OR2C1: variants seen among roughly 807,000 people sequenced by gnomAD.
OR2C1 encodes the protein olfactory receptor 2C1.
For synonymous variants in OR2C1, 209 were observed against 167.3 expected (o/e 1.25, Z -1.92); for missense variants, 468 against 388.3 (o/e 1.21, Z -1.73).
the OR2C1 span, among the ~76,000 whole-genome samples, chr16:3,336,712 C>CTT: frequency 8.3e-5 from 8 of 96,784 alleles, no homozygotes; most frequent in Non-Finnish European, 1.3e-4. Context: ...TTCTTTCTTT[C>CTT]TTTTTTTTTT....
chr16:3,330,298 A>G, the OR2C1 span, among the ~76,000 whole-genome samples: 2 of 151,350 alleles, frequency 1.3e-5, no homozygotes, highest in East Asian at 2.0e-4. Flanking sequence ...TTTCTTTTTT[A>G]GTAGAGACAG....
At chr16:3,348,622 G>C in the OR2C1 span, among the ~76,000 whole-genome samples, 1 of 152,124 alleles carries the variant, frequency 6.6e-6, no homozygotes, top group African/African-American at 2.4e-5. Context: ...CAGGACAGTG[G>C]GCCCCACTGG....
the OR2C1 span, among the ~76,000 whole-genome samples, chr16:3,348,375 T>A: frequency 3.2e-4 from 48 of 152,316 alleles, no homozygotes; most frequent in African/African-American, 1.1e-3. Context: ...CTCGTAAGTA[T>A]GGATTTGGGA....
At chr16:3,349,216 T>G in the OR2C1 span, among the ~76,000 whole-genome samples, 1 of 152,178 alleles carries the variant, frequency 6.6e-6, no homozygotes. Context: ...ATTTAAGAAA[T>G]GCTGTCATTT....
the OR2C1 span, among the ~76,000 whole-genome samples, chr16:3,346,097 G>C: frequency 6.6e-6 from 1 of 152,114 alleles, no homozygotes; most frequent in Non-Finnish European, 1.5e-5. Flanking sequence ...GCCTCCCAAA[G>C]TGCTCGGATT....
chr16:3,351,267 GC>G (rs2030571284), upstream of OR2C1, among the ~76,000 whole-genome samples: 1 of 104,020 alleles, frequency 9.6e-6, no homozygotes, highest in Non-Finnish European at 1.8e-5. Context: ...TTGCTCTGTT[GC>G]CCAGGCTGGA....
the OR2C1 span, among the ~76,000 whole-genome samples, chr16:3,332,016 A>C: frequency 6.7e-6 from 1 of 148,704 alleles, no homozygotes; most frequent in African/African-American, 2.5e-5. Context: ...CATAGGTGGG[A>C]ATTGAACAAT....
At position 3,356,891 on chromosome 16, in the gene OR2C1, T is replaced by A; in HGVS notation, c.*12T>A. On this transcript the variant is annotated 3_prime_UTR_variant, in exon 1 of 1. Coordinates refer to ENST00000304936, the MANE Select transcript of OR2C1 (RefSeq NM_012368.3). ...GAGAAGTTGGCTGAGAGAACACTCC[T>A]TCGTTATTTATTGCGTCTTCATCTC... The A allele has an allele frequency of 1.3e-6, 2 of 1,544,188 alleles. No homozygotes were observed. Among genetic ancestry groups the A allele is most frequent in the Non-Finnish European group, 1.7e-6 (2 of 1,143,504 alleles).
chr16:3,351,887 CTTTT>C (rs35692577), upstream of OR2C1, among the ~76,000 whole-genome samples: 4 of 124,582 alleles, frequency 3.2e-5, no homozygotes, highest in Admixed American at 1.6e-4. Flanking sequence ...AGCATTTAGT[CTTTT>C]TTTTTTTTTT....
the OR2C1 span, among the ~76,000 whole-genome samples, chr16:3,340,065 G>T: frequency 6.6e-6 from 1 of 152,082 alleles, no homozygotes; most frequent in African/African-American, 2.4e-5. Flanking sequence ...GATCACCTGA[G>T]GTCAGGAGTT....
At chr16:3,348,603 C>A in the OR2C1 span, among the ~76,000 whole-genome samples, 1 of 152,160 alleles carries the variant, frequency 6.6e-6, no homozygotes, top group African/African-American at 2.4e-5. Context: ...CTTGCTGGGG[C>A]CAGGCCCACA....
the OR2C1 span, among the ~76,000 whole-genome samples, chr16:3,331,257 G>C: frequency 1.3e-5 from 2 of 152,082 alleles, no homozygotes; most frequent in South Asian, 2.1e-4. Flanking sequence ...TTGTAAATTT[G>C]TTTGGGTTCA....
chr16:3,326,025 G>T, the OR2C1 span, among the ~76,000 whole-genome samples: 1 of 151,306 alleles, frequency 6.6e-6, no homozygotes, highest in Non-Finnish European at 1.5e-5. Context: ...CTGTCTCCTG[G>T]GTTCAAGCAA....
At chr16:3,323,423 G>C in the OR2C1 span, 188 of 761,930 alleles carry the variant, frequency 2.5e-4, 2 homozygotes, top group East Asian at 2.7e-3. Flanking sequence ...TGTGTTGTCT[G>C]TCAGAGGGAT....
upstream of OR2C1, among the ~76,000 whole-genome samples, chr16:3,354,836 C>A (rs1318224851): frequency 6.6e-6 from 1 of 152,132 alleles, no homozygotes; most frequent in Non-Finnish European, 1.5e-5. Flanking sequence ...AGTACAGGGG[C>A]TCACTGCTGC....
chr16:3,329,511 G>A, the OR2C1 span, among the ~76,000 whole-genome samples: 59 of 151,984 alleles, frequency 3.9e-4, 1 homozygote, highest in African/African-American at 1.4e-3. Context: ...GTGCAGTGGC[G>A]CGATCTCAGC....
the OR2C1 span, among the ~76,000 whole-genome samples, chr16:3,349,357 C>A: frequency 6.6e-6 from 1 of 152,078 alleles, no homozygotes; most frequent in Non-Finnish European, 1.5e-5. Context: ...CTTGTGCGGG[C>A]GTGGAGATCT....
the OR2C1 span, chr16:3,323,749 G>A: frequency 3.3e-5 from 23 of 690,068 alleles, no homozygotes; most frequent in African/African-American, 3.7e-4. Flanking sequence ...TCTGCCACCA[G>A]GAATTATGTA....
chr16:3,354,638 G>A (rs115751557), upstream of OR2C1, among the ~76,000 whole-genome samples: 2,576 of 152,228 alleles, frequency 0.017, 73 homozygotes, highest in African/African-American at 0.056. Flanking sequence ...CCAGCACTGA[G>A]GTAAAACTCA....
Sources: gnomAD v4.1 joint callset for allele counts (sites outside exome capture counted in the v4.1 genomes callset) on GRCh38, gnomAD v4.1.1 for gene constraint, MANE v1.5 for transcripts, NCBI Gene and HGNC (gene_info 2026-07-23, HGNC 2026-07-21) for gene names.